The following ANKRD18A variants were observed in gnomAD, a reference collection of about 807,000 sequenced individuals.
ANKRD18A encodes the protein ankyrin repeat domain-containing protein 18A.
ANKRD18A carries 72 observed loss-of-function variants against 110.6 expected under a neutral mutation model. That is an observed-to-expected ratio of 0.65 (90% CI 0.54 to 0.79). The LOEUF (loss-of-function observed/expected upper bound fraction) is 0.79. Ranked by LOEUF, ANKRD18A falls within the 30% of genes least tolerant of loss-of-function variation. The pLI is 0.00. For synonymous variants in ANKRD18A, 305 were observed against 410.3 expected (o/e 0.74, Z 3.10); for missense variants, 934 against 1,163.3 (o/e 0.80, Z 2.87).
At chr9:38,569,166 G>A (rs10973912), downstream of ANKRD18A, 48 of 984,224 alleles carry the variant, frequency 4.9e-5, no homozygotes, top group Admixed American at 6.2e-5. Flanking sequence ...ATCACGGAGC[G>A]AGACTGGGCC....
intron 1 of ANKRD18A, among the ~76,000 whole-genome samples, chr9:38,619,189 C>T (rs574504696): frequency 1.1e-4 from 17 of 151,926 alleles, no homozygotes; most frequent in Non-Finnish European, 2.1e-4. Flanking sequence ...TAAGTCTTTG[C>T]GTTTTCTTCT....
intron 4 of ANKRD18A, 114 bp from the exon 5 acceptor site, chr9:38,610,524 C>A: frequency 2.2e-6 from 3 of 1,375,138 alleles, no homozygotes; most frequent in Non-Finnish European, 2.9e-6. Flanking sequence ...ACATAATAAC[C>A]ATTTACATGT....
intron 12 of ANKRD18A, among the ~76,000 whole-genome samples, chr9:38,583,565 T>G (rs1371622887): frequency 6.6e-6 from 1 of 152,056 alleles, no homozygotes; most frequent in Non-Finnish European, 1.5e-5. Context: ...AATTTTTGTA[T>G]TTTTAGTAGA....
chr9:38,603,336 C>T, intron 6 of ANKRD18A, 124 bp from the exon 7 acceptor site: 1 of 1,349,696 alleles, frequency 7.4e-7, no homozygotes, highest in Non-Finnish European at 1.0e-6. Flanking sequence ...TTTTTAGAAG[C>T]TTGCACTCAT....
At chr9:38,570,242 A>T (rs1245322078), downstream of ANKRD18A, among the ~76,000 whole-genome samples, 1 of 151,964 alleles carries the variant, frequency 6.6e-6, no homozygotes, top group Non-Finnish European at 1.5e-5. Context: ...GTCCCCACTG[A>T]CTGGGTTCGC....
intron 8 of ANKRD18A, among the ~76,000 whole-genome samples, chr9:38,597,234 G>A (rs1007961793): frequency 1.3e-5 from 2 of 152,142 alleles, no homozygotes; most frequent in Non-Finnish European, 2.9e-5. Flanking sequence ...CAGAAAAGAA[G>A]CTTTCCCTTT....
At chr9:38,601,391 C>T (rs921769108) in intron 7 of ANKRD18A, among the ~76,000 whole-genome samples, 187 bp from the exon 8 acceptor site, 9 of 151,992 alleles carry the variant, frequency 5.9e-5, no homozygotes, top group African/African-American at 1.7e-4. Context: ...CTTGGGGAGA[C>T]GCTAGATATC....
chr9:38,573,878 GA>G (rs949301825), intron 15 of ANKRD18A, among the ~76,000 whole-genome samples: 5 of 151,396 alleles, frequency 3.3e-5, no homozygotes, highest in African/African-American at 9.7e-5. Context: ...TTTAGTTACT[GA>G]AAAAAATATG....
intron 4 of ANKRD18A, 89 bp from the exon 5 acceptor site, chr9:38,610,499 T>C (rs985112448): frequency 6.8e-6 from 10 of 1,469,738 alleles, no homozygotes; most frequent in Non-Finnish European, 8.1e-6. Flanking sequence ...TTTCATATCT[T>C]GCCTGTCAGG....
chr9:38,596,033 A>C lies in ANKRD18A; in HGVS notation c.1307T>G (p.Ile436Ser), dbSNP rs1206082824. 2 of 1,550,118 alleles carry C rather than the reference A, an allele frequency of 1.3e-6. No homozygotes were observed. The highest frequency in any genetic ancestry group is 2.4e-5 in the East Asian group (1 of 40,926). Residue 436 changes from isoleucine to serine, a missense_variant, in exon 9 of 16, where the codon ATT (isoleucine) becomes AGT (serine). Ile to Ser is a moderately radical substitution (Grantham distance 142, BLOSUM62 -2). Coordinates refer to ENST00000399703, the MANE Select transcript of ANKRD18A (RefSeq NM_147195.4). ...TAGTTCTAGGTCTTTTCTTTCCACA[A>C]TTTCATTGTACTCATTTATAGCAGT... is the stretch of plus-strand genomic sequence containing the variant. Reference protein sequence around the residue: ...LATAINEYNEIVERKDLELVL... With the variant: ...LATAINEYNESVERKDLELVL...
intron 12 of ANKRD18A, among the ~76,000 whole-genome samples, chr9:38,584,819 C>T (rs1247126003): frequency 5.3e-5 from 8 of 152,070 alleles, no homozygotes; most frequent in African/African-American, 1.2e-4. Context: ...TATTCTTTTG[C>T]CCCAGTTTCT....
rs1444913819 is a variant in ANKRD18A at position 38,620,208 on chromosome 9, C to T, written c.78G>A (p.Pro26=). 5 of 1,552,766 alleles carry T rather than the reference C, an allele frequency of 3.2e-6. No individual in the cohort carries two copies. The highest frequency in any genetic ancestry group is 2.4e-5 in the East Asian group (1 of 41,040). Residue 26 remains proline, a synonymous_variant, in exon 1 of 16, where the codon CCG becomes CCA. Transcript: ENST00000399703. The part of the protein sequence containing the change: ...LSSMDQEYAG[P]GYDIRDWELR... Reference sequence around the variant, plus strand: ...GTTCCCAGTCCCGAATGTCGTAACCCGGACCCGCATACTCTTGGTCCATGG... The same window carrying T: ...GTTCCCAGTCCCGAATGTCGTAACCTGGACCCGCATACTCTTGGTCCATGG...
chr9:38,569,818 T>C (rs7023456), downstream of ANKRD18A, among the ~76,000 whole-genome samples: 45,392 of 151,948 alleles, frequency 0.3, 7,186 homozygotes, highest in East Asian at 0.44. Context: ...CCCTCTCCAC[T>C]GAGGGTGGTC....
chr9:38,600,791 G>A lies in ANKRD18A; in HGVS notation c.936+340C>T, dbSNP rs144101081. ...TGAGGTGAACTCAGTGGCCATCACCGTTCAATTGCTCATCATTTCTCTTGC... is the reference window on the plus strand; with the variant it reads ...TGAGGTGAACTCAGTGGCCATCACCATTCAATTGCTCATCATTTCTCTTGC... On this transcript the variant is annotated intron_variant, in intron 8 of 15. Transcript: ENST00000399703. 5.3e-3 allele frequency among the ~76,000 whole-genome samples: 813 copies of A among 152,070 alleles called. 5 individuals are homozygous for A. The highest frequency in any genetic ancestry group is 0.018 in the African/African-American group (763 of 41,488).
chr9:38,607,330 T>G, intron 6 of ANKRD18A, 96 bp downstream of exon 6: 2 of 1,026,632 alleles, frequency 1.9e-6, no homozygotes. Flanking sequence ...GTGCTGGGAT[T>G]ACAGGTGTGA....
At chr9:38,603,683 A>G (rs556107916) in intron 6 of ANKRD18A, among the ~76,000 whole-genome samples, 15 of 152,006 alleles carry the variant, frequency 9.9e-5, no homozygotes, top group Non-Finnish European at 1.8e-4. Flanking sequence ...AATATTTCCT[A>G]TTTGGCCCTT....
In ANKRD18A at chr9:38,601,513, T is replaced by C. The variant is rs542090855; in HGVS notation, c.863-309A>G. Among the ~76,000 whole-genome samples, 386 of 152,248 alleles carry C rather than the reference T, an allele frequency of 2.5e-3. 2 individuals are homozygous for C. The highest frequency in any genetic ancestry group is 8.7e-3 in the African/African-American group (360 of 41,550). ...AAAATTTAAAAATACAGTAAAAACATATAAAGTAACACTTTACTATTCTCT... is the reference window on the plus strand; with the variant it reads ...AAAATTTAAAAATACAGTAAAAACACATAAAGTAACACTTTACTATTCTCT... On this transcript the variant is annotated intron_variant, in intron 7 of 15. Coordinates refer to ENST00000399703, the MANE Select transcript of ANKRD18A (RefSeq NM_147195.4).
intron 12 of ANKRD18A, among the ~76,000 whole-genome samples, chr9:38,580,477 A>T (rs1331213668): frequency 6.6e-6 from 1 of 152,260 alleles, no homozygotes; most frequent in Non-Finnish European, 1.5e-5. Context: ...TGGTTAATGG[A>T]TACAGAATTA....
chr9:38,585,901 G>A (rs1410590119), intron 12 of ANKRD18A, among the ~76,000 whole-genome samples: 4 of 152,070 alleles, frequency 2.6e-5, no homozygotes, highest in Non-Finnish European at 5.9e-5. Flanking sequence ...GCACACTAAC[G>A]CAGGAACAAA....
Sources: gnomAD v4.1 joint callset for allele counts (sites outside exome capture counted in the v4.1 genomes callset) on GRCh38, gnomAD v4.1.1 for gene constraint, MANE v1.5 for transcripts, NCBI Gene and HGNC (gene_info 2026-07-23, HGNC 2026-07-21) for gene names.